The following RAD54B variants were observed in gnomAD, a reference collection of about 807,000 sequenced individuals.
The protein encoded by RAD54B is RAD54 homolog B.
A neutral mutation model predicts 95.8 loss-of-function variants in RAD54B; 78 were observed. The ratio of observed to expected loss-of-function variants is 0.81; its 90% CI spans 0.68 to 0.98. The LOEUF (loss-of-function observed/expected upper bound fraction) is 0.98, where lower values mean the gene tolerates loss of function less well. Ranked by LOEUF, RAD54B falls within the 50% of genes least tolerant of loss-of-function variation. The pLI, the probability that RAD54B is intolerant of heterozygous loss-of-function variation, is 0.00. For synonymous variants in RAD54B, 328 were observed against 354.9 expected (o/e 0.92, Z 0.85); for missense variants, 957 against 1,056.6 (o/e 0.91, Z 1.31).
At chr8:94,387,632 T>C (rs889590890) in intron 10 of RAD54B, among the ~76,000 whole-genome samples, 1 of 152,192 alleles carries the variant, frequency 6.6e-6, no homozygotes, top group Non-Finnish European at 1.5e-5. Context: ...ACAAGCACTA[T>C]CGTTTACTTA....
intron 3 of RAD54B, among the ~76,000 whole-genome samples, chr8:94,451,582 A>G (rs1047827741): frequency 6.6e-6 from 1 of 152,218 alleles, no homozygotes; most frequent in African/African-American, 2.4e-5. Context: ...CCAAATAATC[A>G]AACTTATTAT....
rs565859252 is a variant in RAD54B at position 94,430,243 on chromosome 8, G to A, written c.305-18928C>T. ...GGAGAATCGCTTGAACCCAGGAAAC[G>A]GAGATTGCAGTGAGCCAACATCGCA... On this transcript the variant is annotated intron_variant, in intron 3 of 14. Transcript: ENST00000336148. The A allele has an allele frequency of 1.7e-5, 13 of 785,146 alleles. No homozygotes were observed. The Admixed American group carries it at 5.7e-4, about 34-fold the overall frequency. 48.6% of individuals were successfully genotyped at this position (785,146 alleles called of 1,614,324 possible). A position where few individuals can be genotyped will look rare whatever the true frequency, so the allele number is the denominator to read the frequency against.
chr8:94,376,636 C>T (rs1323752282), intron 14 of RAD54B, among the ~76,000 whole-genome samples: 3 of 149,238 alleles, frequency 2.0e-5, no homozygotes, highest in Non-Finnish European at 3.0e-5. Context: ...TAAATTCTAC[C>T]CACTAAAAAA....
chr8:94,425,048 C>T (rs1811909167), intron 3 of RAD54B, among the ~76,000 whole-genome samples: 3 of 132,106 alleles, frequency 2.3e-5, no homozygotes, highest in Non-Finnish European at 3.1e-5. Context: ...GGTGACAGAG[C>T]GAGACCCCAT....
chr8:94,458,407 C>T lies in RAD54B; in HGVS notation c.165G>A (p.Pro55=), dbSNP rs369361923. ...EGVAINNTFL[P]SQNDLRICSL... is the part of the protein sequence containing the mutation. ...TGCATATTCTAAGATCATTTTGTGACGGGAGAAAGGTGTTATTAATTGCAA... is the reference window on the plus strand; with the variant it reads ...TGCATATTCTAAGATCATTTTGTGATGGGAGAAAGGTGTTATTAATTGCAA... The change falls in exon 3 of 15, where the codon CCG becomes CCA. Residue 55 remains proline (P), a synonymous_variant. Transcript: ENST00000336148. The T allele has an allele frequency of 3.8e-5, 61 of 1,596,828 alleles. No homozygotes were observed. Among genetic ancestry groups the T allele is most frequent in the East Asian group, 1.6e-4 (7 of 43,928 alleles).
chr8:94,374,605 C>A (rs1039012957), intron 14 of RAD54B, among the ~76,000 whole-genome samples: 8 of 151,852 alleles, frequency 5.3e-5, no homozygotes, highest in African/African-American at 1.9e-4. Flanking sequence ...ACCAGACAAA[C>A]CCTAATGATA....
chr8:94,439,679 C>CG (rs1271448554), intron 3 of RAD54B, among the ~76,000 whole-genome samples: 1 of 54,114 alleles, frequency 1.8e-5, no homozygotes, highest in East Asian at 4.4e-4. Flanking sequence ...CAACTCAAGG[C>CG]GGGGGCGGGG....
chr8:94,420,522 A>G (rs1184481559), intron 3 of RAD54B, among the ~76,000 whole-genome samples: 1 of 151,960 alleles, frequency 6.6e-6, no homozygotes, highest in African/African-American at 2.4e-5. Context: ...AGCCTCCCAA[A>G]GAGCTCTTAA....
At chr8:94,381,240 A>G (rs1401582660) in intron 11 of RAD54B, among the ~76,000 whole-genome samples, 1 of 152,204 alleles carries the variant, frequency 6.6e-6, no homozygotes, top group Non-Finnish European at 1.5e-5. Flanking sequence ...AGCCCAAGGA[A>G]GATACTACTA....
intron 3 of RAD54B, among the ~76,000 whole-genome samples, chr8:94,446,691 T>C (rs1277807624): frequency 6.6e-6 from 1 of 152,200 alleles, no homozygotes; most frequent in Admixed American, 6.5e-5. Flanking sequence ...TTGTGTCATC[T>C]GGCCTTCACA....
chr8:94,393,847 C>CA lies in RAD54B; in HGVS notation c.1413dup (p.Ala472CysfsTer4). 2 of 1,603,008 alleles carry CA rather than the reference C, an allele frequency of 1.2e-6. No homozygotes were observed. Among genetic ancestry groups the CA allele is most frequent in the Middle Eastern group, 1.7e-4 (1 of 6,022 alleles). ...CCTGGATTTACAAAATCAATTAATG[C>CA]AAAAAATTCTTGCAGATCATTCTGA... is the stretch of plus-strand genomic sequence containing the variant. On this transcript the variant is annotated frameshift_variant, in exon 9 of 15. Transcript: ENST00000336148. LOFTEE classifies it high-confidence loss of function.
intron 3 of RAD54B, chr8:94,428,382 T>C (rs767970448): frequency 1.1e-4 from 104 of 940,938 alleles, no homozygotes; most frequent in Non-Finnish European, 1.2e-4. Context: ...CCAAGGGGGA[T>C]TGGTTTCAGG....
intron 3 of RAD54B, among the ~76,000 whole-genome samples, chr8:94,439,994 C>T (rs1027679198): frequency 6.6e-5 from 10 of 152,016 alleles, no homozygotes; most frequent in Non-Finnish European, 1.5e-4. Context: ...GGATTTTTCC[C>T]ACAAGGGATG....
chr8:94,428,822 T>C (rs1192716088), intron 3 of RAD54B: 2 of 984,862 alleles, frequency 2.0e-6, no homozygotes, highest in Non-Finnish European at 2.4e-6. Context: ...AGTTGGTAAG[T>C]AGTCCCCTAA....
intron 3 of RAD54B, among the ~76,000 whole-genome samples, chr8:94,413,371 GA>G (rs1811575080): frequency 6.6e-6 from 1 of 152,162 alleles, no homozygotes; most frequent in South Asian, 2.1e-4. Context: ...TGCATTGGAA[GA>G]GAAGCAAGAA....
intron 10 of RAD54B, among the ~76,000 whole-genome samples, chr8:94,391,273 CCAAA>C (rs940019140): frequency 1.3e-4 from 20 of 151,062 alleles, no homozygotes; most frequent in Admixed American, 9.3e-4. Flanking sequence ...TTTGTCAGCA[CCAAA>C]CAAACAAAAC....
intron 11 of RAD54B, among the ~76,000 whole-genome samples, chr8:94,385,001 G>C (rs974988452): frequency 6.6e-6 from 1 of 152,166 alleles, no homozygotes; most frequent in Non-Finnish European, 1.5e-5. Context: ...TACATGGGAA[G>C]CTGAAGTGGG....
intron 3 of RAD54B, among the ~76,000 whole-genome samples, chr8:94,447,493 C>G (rs1812549231): frequency 6.6e-6 from 1 of 152,164 alleles, no homozygotes; most frequent in South Asian, 2.1e-4. Flanking sequence ...TCACAATATT[C>G]ACTACACCAC....
At chr8:94,455,944 A>G (rs566550239) in intron 3 of RAD54B, among the ~76,000 whole-genome samples, 8 of 152,316 alleles carry the variant, frequency 5.3e-5, no homozygotes, top group Non-Finnish European at 8.8e-5. Context: ...GTTCACATTC[A>G]TAGGTACCAA....
Sources: allele counts gnomAD v4.1 joint callset (sites outside exome capture counted in the v4.1 genomes callset), GRCh38; gene constraint gnomAD v4.1.1; transcripts MANE v1.5; gene names NCBI Gene and HGNC (gene_info 2026-07-23, HGNC 2026-07-21).